Variants in GFRA1 observed in about 807,000 individuals in gnomAD.
GFRA1 encodes the protein GDNF family receptor alpha-1.
Under a neutral mutation model 51.6 loss-of-function variants are expected in GFRA1, and 16 were observed. That is an observed-to-expected ratio of 0.31 (90% CI 0.21 to 0.47). The LOEUF (loss-of-function observed/expected upper bound fraction) is 0.47, where lower values mean the gene tolerates loss of function less well. GFRA1 is among the 20% of genes least tolerant of loss of function. GFRA1 has a pLI of 1.00. For missense variants in GFRA1, 530 were observed against 594.3 expected (o/e 0.89, Z 1.13); for synonymous variants, 270 against 241.3 (o/e 1.12, Z -1.10).
chr10:116,159,810 T>C (rs1959561800), intron 5 of GFRA1, among the ~76,000 whole-genome samples: 1 of 152,178 alleles, frequency 6.6e-6, no homozygotes. Context: ...ATCTCCCTTG[T>C]CTTCCCACCC....
intron 9 of GFRA1, among the ~76,000 whole-genome samples, chr10:116,082,461 C>A (rs1286422306): frequency 7.0e-5 from 10 of 141,984 alleles, no homozygotes; most frequent in Non-Finnish European, 1.0e-4. Context: ...CAAACCGCCC[C>A]TTGCTTTTGT....
chr10:116,180,002 C>T (rs972997878), intron 5 of GFRA1, among the ~76,000 whole-genome samples: 14 of 152,136 alleles, frequency 9.2e-5, no homozygotes, highest in Non-Finnish European at 7.3e-5. Context: ...TATTTTGTTT[C>T]CCACACTGAG....
chr10:116,210,482 A>G (rs1332158234), intron 5 of GFRA1, among the ~76,000 whole-genome samples: 2 of 152,200 alleles, frequency 1.3e-5, no homozygotes, highest in South Asian at 2.1e-4. Flanking sequence ...AACAGTCACG[A>G]TACCTTTTCA....
At chr10:116,091,671 T>A (rs1417350726) in intron 8 of GFRA1, among the ~76,000 whole-genome samples, 1 of 152,068 alleles carries the variant, frequency 6.6e-6, no homozygotes, top group Non-Finnish European at 1.5e-5. Flanking sequence ...CTGGGAGAGG[T>A]TTGGCTTAAT....
chr10:116,147,088 A>C (rs1958834360), intron 5 of GFRA1, among the ~76,000 whole-genome samples: 1 of 152,158 alleles, frequency 6.6e-6, no homozygotes, highest in South Asian at 2.1e-4. Flanking sequence ...AAATGTTAAC[A>C]ATTTGATAAA....
chr10:116,204,627 T>A (rs1193181983), intron 5 of GFRA1, among the ~76,000 whole-genome samples: 1 of 152,138 alleles, frequency 6.6e-6, no homozygotes, highest in Non-Finnish European at 1.5e-5. Flanking sequence ...AAGGAATATG[T>A]CAAAGGGGCA....
At chr10:116,071,324 A>G (rs138938517) in intron 9 of GFRA1, among the ~76,000 whole-genome samples, 1 of 151,618 alleles carries the variant, frequency 6.6e-6, no homozygotes, top group African/African-American at 2.4e-5. Flanking sequence ...ATTACATTAA[A>G]CTCTTAGAAG....
chr10:116,271,263 C>T (rs11197617), intron 2 of GFRA1, 148 bp from the exon 3 acceptor site: 156,272 of 612,092 alleles, frequency 0.26, 22,200 homozygotes, highest in South Asian at 0.44. Flanking sequence ...TCTCGACCAT[C>T]CGGGAGTCCA....
chr10:116,175,299 G>A (rs1433276746), intron 5 of GFRA1, among the ~76,000 whole-genome samples: 4 of 152,112 alleles, frequency 2.6e-5, no homozygotes, highest in Admixed American at 2.6e-4. Flanking sequence ...CATATCCTTG[G>A]GAAAGAGGAT....
Position 116,269,561 on chromosome 10 carries a change from T to C in GFRA1, c.360A>G (p.Pro120=), listed in dbSNP as rs149919192. ...ACAATCTGCTGTTAACTGGTTCATATGGGGAATCCTCCAGCAGATCATTTC... is the reference window on the plus strand; with the variant it reads ...ACAATCTGCTGTTAACTGGTTCATACGGGGAATCCTCCAGCAGATCATTTC... ...LQGNDLLEDS[P]YEPVNSRLSD... Residue 120 remains proline (P), a synonymous_variant, in exon 4 of 11, where the codon CCA becomes CCG. Transcript: ENST00000355422. 36 of 1,605,510 alleles carry C rather than the reference T, an allele frequency of 2.2e-5. No homozygotes were observed. Among genetic ancestry groups the C allele is most frequent in the South Asian group, 1.1e-4 (10 of 90,932 alleles).
chr10:116,137,678 C>A (rs894837444), intron 5 of GFRA1, among the ~76,000 whole-genome samples: 2 of 152,116 alleles, frequency 1.3e-5, no homozygotes, highest in Non-Finnish European at 2.9e-5. Flanking sequence ...AAAGCTTGGC[C>A]AGTTTGTGAG....
chr10:116,098,828 GAATGAAAGGCTA>G, intron 6 of GFRA1, among the ~76,000 whole-genome samples: 1 of 152,344 alleles, frequency 6.6e-6, no homozygotes, highest in African/African-American at 2.4e-5. Context: ...TTGGACTCTG[GAATGAAAGGCTA>G]ATTGAGTCAG....
intron 5 of GFRA1, among the ~76,000 whole-genome samples, chr10:116,156,692 T>C (rs999275759): frequency 6.6e-6 from 1 of 152,238 alleles, no homozygotes; most frequent in Admixed American, 6.5e-5. Context: ...ATGTTAACCA[T>C]CTGTTTTTGG....
At chr10:116,137,292 A>C (rs1958368125) in intron 5 of GFRA1, among the ~76,000 whole-genome samples, 1 of 152,212 alleles carries the variant, frequency 6.6e-6, no homozygotes, top group South Asian at 2.1e-4. Context: ...GATCCTATTA[A>C]GTAGCCTAGA....
chr10:116,113,662 G>A (rs967736417), intron 6 of GFRA1, among the ~76,000 whole-genome samples: 27 of 152,128 alleles, frequency 1.8e-4, no homozygotes, highest in African/African-American at 6.5e-4. Context: ...CATGAGCTCC[G>A]CAGCCCCACA....
chr10:116,084,352 G>A (rs549382748), intron 9 of GFRA1, among the ~76,000 whole-genome samples: 1 of 152,326 alleles, frequency 6.6e-6, no homozygotes, highest in African/African-American at 2.4e-5. Context: ...GATGAGATCT[G>A]TCACACTGGT....
intron 5 of GFRA1, among the ~76,000 whole-genome samples, chr10:116,141,037 A>G (rs1054960629): frequency 5.3e-5 from 8 of 152,242 alleles, no homozygotes; most frequent in African/African-American, 2.4e-5. Flanking sequence ...TATGATGGTA[A>G]TAATGTAGCC....
Position 116,064,413 on chromosome 10 carries a change from T to TAA in GFRA1, c.1381_1382dup (p.Leu461PhefsTer2), listed in dbSNP as rs770542986. 24 of 1,612,572 alleles carry TAA rather than the reference T, an allele frequency of 1.5e-5. No individual in the cohort carries two copies. The highest frequency in any genetic ancestry group is 2.0e-5 in the Non-Finnish European group (24 of 1,179,818). On this transcript the variant is annotated frameshift_variant, in exon 11 of 11. Transcript: ENST00000355422. LOFTEE classifies it high-confidence loss of function. ...TTTAATGCAGCTATGATGTTTCTGT[T>TAA]AAAGATAATAGGGTGGACAGAGCGG...
At chr10:116,235,897 G>C (rs1966864075) in intron 4 of GFRA1, among the ~76,000 whole-genome samples, 1 of 152,226 alleles carries the variant, frequency 6.6e-6, no homozygotes, top group African/African-American at 2.4e-5. Context: ...AATTCGCCTT[G>C]CTGGCACACT....
Sources: allele counts gnomAD v4.1 joint callset (sites outside exome capture counted in the v4.1 genomes callset), GRCh38; gene constraint gnomAD v4.1.1; transcripts MANE v1.5; gene names NCBI Gene and HGNC (gene_info 2026-07-23, HGNC 2026-07-21).